Variants in TMEM65 observed in about 807,000 individuals in gnomAD.
TMEM65 encodes the protein transmembrane protein 65.
A neutral mutation model predicts 25.4 loss-of-function variants in TMEM65; 22 were observed. That is an observed-to-expected ratio of 0.86 (90% CI 0.62 to 1.23). TMEM65 has a LOEUF of 1.23. Among genes scored for constraint, TMEM65 ranks in the 50% most tolerant of loss-of-function variants. The probability of loss-of-function intolerance (pLI) is 0.00; values close to 1 mark genes in which losing one functional copy is unlikely to be tolerated. For missense variants in TMEM65, 262 were observed against 308.2 expected (o/e 0.85, Z 1.12); for synonymous variants, 132 against 126.2 (o/e 1.05, Z -0.31).
chr8:124,327,794 T>C (rs34773969), intron 2 of TMEM65, among the ~76,000 whole-genome samples: 3 of 152,128 alleles, frequency 2.0e-5, no homozygotes, highest in Admixed American at 2.0e-4. Context: ...AATCTCTTTT[T>C]CTATTATGAC....
Position 124,339,223 on chromosome 8 carries a change from AT to A in TMEM65, c.305-8432del, listed in dbSNP as rs1223558784. On this transcript the variant is annotated intron_variant, in intron 1 of 6. Coordinates refer to ENST00000297632, the MANE Select transcript of TMEM65 (RefSeq NM_194291.3). ...AAAAAAAAAAAAAAAAAAAAAAAAA[AT>A]ATATATATATATATATATATATATA... Among the ~76,000 whole-genome samples, 29 of 15,702 alleles carry A rather than the reference AT, an allele frequency of 1.8e-3. 1 individual carries two copies. Among genetic ancestry groups the A allele is most frequent in the Non-Finnish European group, 3.2e-3 (21 of 6,498 alleles). The allele number at this position is 15,702 out of a possible 152,430, so 10.3% of individuals were successfully genotyped here. A position where few individuals can be genotyped will look rare whatever the true frequency, so the allele number is the denominator to read the frequency against.
At chr8:124,364,492 G>C (rs1814913509) in intron 1 of TMEM65, among the ~76,000 whole-genome samples, 2 of 152,156 alleles carry the variant, frequency 1.3e-5, no homozygotes, top group African/African-American at 4.8e-5. Context: ...TCTACAAATA[G>C]AAGTAACCTC....
intron 6 of TMEM65, among the ~76,000 whole-genome samples, chr8:124,315,559 G>C (rs541881751): frequency 4.9e-4 from 75 of 152,096 alleles, no homozygotes; most frequent in African/African-American, 9.4e-4. Context: ...CTGACCTCAT[G>C]ATCCACCCGC....
At chr8:124,350,113 T>C (rs1262711657) in intron 1 of TMEM65, among the ~76,000 whole-genome samples, 1 of 108,396 alleles carries the variant, frequency 9.2e-6, no homozygotes, top group Non-Finnish European at 1.9e-5. Context: ...AATGTACTAA[T>C]ACATCAGTGT....
chr8:124,326,681 AT>A (rs1050536956), intron 3 of TMEM65, among the ~76,000 whole-genome samples: 9 of 152,056 alleles, frequency 5.9e-5, no homozygotes, highest in Admixed American at 2.0e-4. Flanking sequence ...GAAGACTTGC[AT>A]TTTAATTATG....
chr8:124,333,735 G>A (rs1023214889), intron 1 of TMEM65, among the ~76,000 whole-genome samples: 13 of 152,112 alleles, frequency 8.5e-5, no homozygotes, highest in Non-Finnish European at 1.9e-4. Context: ...TTGATCTAGA[G>A]GGGAATCAAC....
At chr8:124,351,456 G>A (rs1045114995) in intron 1 of TMEM65, among the ~76,000 whole-genome samples, 2 of 152,082 alleles carry the variant, frequency 1.3e-5, no homozygotes, top group African/African-American at 4.8e-5. Flanking sequence ...CATTAGAAAC[G>A]CTGATAAAGT....
At chr8:124,354,021 A>G (rs1229331554) in intron 1 of TMEM65, among the ~76,000 whole-genome samples, 1 of 152,212 alleles carries the variant, frequency 6.6e-6, no homozygotes, top group Non-Finnish European at 1.5e-5. Context: ...GATAGGATGA[A>G]AAAGAATATA....
chr8:124,322,153 A>G lies in TMEM65; in HGVS notation c.473-6T>C, dbSNP rs1814310288. ...AAGATTTCCCAAAGCAGCAGCTAAAAATTTGAAAAATAAATAATTGTTACA... is the reference window on the plus strand; with the variant it reads ...AAGATTTCCCAAAGCAGCAGCTAAAGATTTGAAAAATAAATAATTGTTACA... On this transcript the variant is annotated splice_region_variant and splice_polypyrimidine_tract_variant and intron_variant, in intron 4 of 6. Coordinates refer to ENST00000297632, the MANE Select transcript of TMEM65 (RefSeq NM_194291.3). 2 of 1,605,730 alleles carry G rather than the reference A, an allele frequency of 1.2e-6. No homozygotes were observed. The highest frequency in any genetic ancestry group is 1.7e-6 in the Non-Finnish European group (2 of 1,174,594).
chr8:124,350,881 CAGTT>C, intron 1 of TMEM65: 1 of 460,176 alleles, frequency 2.2e-6, no homozygotes, highest in Non-Finnish European at 2.9e-6. Flanking sequence ...TTTAATCCTT[CAGTT>C]AGTTGAGCAT....
At chr8:124,368,755 A>G (rs760398164) in intron 1 of TMEM65, among the ~76,000 whole-genome samples, 1 of 152,196 alleles carries the variant, frequency 6.6e-6, no homozygotes, top group Non-Finnish European at 1.5e-5. Context: ...ACTTCAGATG[A>G]TGCCACCCCA....
At chr8:124,340,008 C>CT in intron 1 of TMEM65, among the ~76,000 whole-genome samples, 1 of 152,150 alleles carries the variant, frequency 6.6e-6, no homozygotes, top group East Asian at 1.9e-4. Flanking sequence ...GGGATGCATT[C>CT]TTTAACTGGC....
chr8:124,369,694 T>C (rs1213208827), intron 1 of TMEM65, among the ~76,000 whole-genome samples: 3 of 152,214 alleles, frequency 2.0e-5, no homozygotes, highest in African/African-American at 7.2e-5. Context: ...GCTGTACGCA[T>C]TCCCAACATA....
chr8:124,365,246 C>A (rs1037358687), intron 1 of TMEM65, among the ~76,000 whole-genome samples: 1 of 152,120 alleles, frequency 6.6e-6, no homozygotes, highest in African/African-American at 2.4e-5. Flanking sequence ...GTTTGACTTA[C>A]CTGGAAGCCA....
intron 1 of TMEM65, among the ~76,000 whole-genome samples, chr8:124,333,154 C>G (rs1293381920): frequency 6.8e-6 from 1 of 147,546 alleles, no homozygotes; most frequent in East Asian, 2.0e-4. Flanking sequence ...TGAATCAAAA[C>G]AAAACATACA....
At chr8:124,336,272 A>T (rs1814505300) in intron 1 of TMEM65, among the ~76,000 whole-genome samples, 1 of 152,072 alleles carries the variant, frequency 6.6e-6, no homozygotes, top group Admixed American at 6.5e-5. Flanking sequence ...ATACTTGGAG[A>T]TATAAAAGCC....
chr8:124,324,678 AAAT>A (rs770857912), intron 3 of TMEM65, among the ~76,000 whole-genome samples: 9 of 152,062 alleles, frequency 5.9e-5, no homozygotes, highest in Admixed American at 3.9e-4. Context: ...TACATTTAAA[AAAT>A]AGTTAAGTGC....
chr8:124,328,472 C>A (rs1391244640), intron 2 of TMEM65, among the ~76,000 whole-genome samples: 1 of 151,546 alleles, frequency 6.6e-6, no homozygotes, highest in African/African-American at 2.4e-5. Context: ...ATTCTCATTT[C>A]TTTCATATTT....
At chr8:124,318,091 G>C (rs577980016) in intron 6 of TMEM65, among the ~76,000 whole-genome samples, 2 of 152,262 alleles carry the variant, frequency 1.3e-5, no homozygotes, top group East Asian at 3.9e-4. Flanking sequence ...AGTTGCACAA[G>C]CTTGCTCTAG....
Sources: allele counts gnomAD v4.1 joint callset (sites outside exome capture counted in the v4.1 genomes callset), GRCh38; gene constraint gnomAD v4.1.1; transcripts MANE v1.5; gene names NCBI Gene and HGNC (gene_info 2026-07-23, HGNC 2026-07-21).